The following DCC variants were observed in gnomAD, a reference collection of about 807,000 sequenced individuals.
DCC encodes netrin receptor DCC.
Under a neutral mutation model 172.5 loss-of-function variants are expected in DCC, and 58 were observed. The observed-to-expected ratio is 0.34, with a 90% CI of 0.27 to 0.42. The LOEUF is 0.42. Among genes scored for constraint, DCC ranks in the 10% least tolerant of loss-of-function variants. The pLI is 1.00. For missense variants in DCC, 1,740 were observed against 1,791.0 expected, an observed-to-expected ratio of 0.97 and a Z score of 0.51; for synonymous variants, 709 against 644.5, an observed-to-expected ratio of 1.10 and a Z score of -1.52.
chr18:52,623,253 C>T (rs1352343812), intron 1 of DCC, among the ~76,000 whole-genome samples: 1 of 152,136 alleles, frequency 6.6e-6, no homozygotes, highest in Non-Finnish European at 1.5e-5. Flanking sequence ...CCTCACATGT[C>T]ATCTTAAGTA....
intron 22 of DCC, among the ~76,000 whole-genome samples, chr18:53,440,355 T>C (rs1044628828): frequency 5.3e-5 from 8 of 152,276 alleles, no homozygotes; most frequent in African/African-American, 7.2e-5. Flanking sequence ...AAGATAAAGT[T>C]AAACTTGATG....
At chr18:53,213,643 G>A (rs112633410) in intron 11 of DCC, among the ~76,000 whole-genome samples, 44,903 of 103,524 alleles carry the variant, frequency 0.43, 8,772 homozygotes, top group Middle Eastern at 0.49. Flanking sequence ...GCGAGACTCC[G>A]TCTCAAAAAA....
In DCC at chr18:53,397,343, A is replaced by G. The variant is rs143891719; in HGVS notation, c.2724A>G (p.Thr908=). The change falls in exon 18 of 29, where the codon ACA becomes ACG. Residue 908 remains threonine, a synonymous_variant. Transcript: ENST00000442544. ...CAACATCTCTAAGTTACACAGCAAC[A>G]GGCCTCAAACCAAACACAATGTATG... ...EDTTSLSYTA[T]GLKPNTMYEF... is the part of the protein sequence containing the mutation. The G allele has an allele frequency of 6.9e-4, 1,121 of 1,613,902 alleles. 15 individuals are homozygous for G. In the East Asian group the frequency reaches 0.023, roughly 32 times the overall value.
At chr18:52,859,407 G>A (rs924236763) in intron 2 of DCC, among the ~76,000 whole-genome samples, 1 of 152,184 alleles carries the variant, frequency 6.6e-6, no homozygotes, top group African/African-American at 2.4e-5. Flanking sequence ...GAGGACCACA[G>A]AGGGATTGCT....
intron 1 of DCC, among the ~76,000 whole-genome samples, chr18:52,433,028 T>A (rs1481138518): frequency 6.6e-6 from 1 of 152,224 alleles, no homozygotes; most frequent in East Asian, 1.9e-4. Flanking sequence ...TTATTTATTT[T>A]TTACTAATCT....
At chr18:52,685,959 C>A (rs957256782) in intron 1 of DCC, among the ~76,000 whole-genome samples, 6 of 152,108 alleles carry the variant, frequency 3.9e-5, no homozygotes, top group Admixed American at 6.6e-5. Flanking sequence ...TCCTCAAGGG[C>A]TAACTGGATG....
intron 2 of DCC, among the ~76,000 whole-genome samples, chr18:52,826,364 G>T (rs2038509178): frequency 6.6e-6 from 1 of 152,110 alleles, no homozygotes; most frequent in African/African-American, 2.4e-5. Flanking sequence ...CTACCAAAAA[G>T]AAAATTTAGC....
chr18:53,105,573 A>C (rs1040045445), intron 7 of DCC, among the ~76,000 whole-genome samples: 1 of 151,990 alleles, frequency 6.6e-6, no homozygotes. Context: ...AGTTAAATAC[A>C]TGTATTTGCA....
chr18:53,251,024 T>C (rs919636182), intron 12 of DCC, among the ~76,000 whole-genome samples: 1 of 151,984 alleles, frequency 6.6e-6, no homozygotes, highest in Admixed American at 6.6e-5. Flanking sequence ...TGTCCTTCTC[T>C]CCATCTGTCT....
chr18:53,104,981 G>C (rs538421740), intron 7 of DCC, among the ~76,000 whole-genome samples: 5 of 152,036 alleles, frequency 3.3e-5, no homozygotes, highest in Non-Finnish European at 7.4e-5. Context: ...ATTCCCATCT[G>C]TGATTATGTA....
At chr18:52,363,359 T>A (rs1984704843) in intron 1 of DCC, among the ~76,000 whole-genome samples, 1 of 152,220 alleles carries the variant, frequency 6.6e-6, no homozygotes, top group South Asian at 2.1e-4. Flanking sequence ...GAAGTGCCAA[T>A]CAGGTTCATG....
At chr18:52,736,025 C>T (rs1368047677) in intron 1 of DCC, among the ~76,000 whole-genome samples, 1 of 152,026 alleles carries the variant, frequency 6.6e-6, no homozygotes, top group Non-Finnish European at 1.5e-5. Flanking sequence ...TGGTTTGGCC[C>T]TACTTCTTTG....
chr18:53,208,110 T>G (rs1004635095), intron 11 of DCC, among the ~76,000 whole-genome samples: 7 of 151,008 alleles, frequency 4.6e-5, no homozygotes, highest in Admixed American at 4.6e-4. Context: ...TAAATGTTTT[T>G]TTTTTTTTTT....
chr18:52,413,644 A>T lies in DCC; in HGVS notation c.91+72766A>T, dbSNP rs568288408. On this transcript the variant is annotated intron_variant, in intron 1 of 28. Coordinates refer to ENST00000442544, the MANE Select transcript of DCC (RefSeq NM_005215.4). ...AACATGTTACATATTTTTATTATGT[A>T]TTCTAAGAAAATTAGTACCTTTATC... 1.3e-4 allele frequency among the ~76,000 whole-genome samples: 20 copies of T among 152,158 alleles called. No homozygotes were observed. The East Asian group carries it at 3.7e-3, about 28-fold the overall frequency.
At chr18:53,015,578 G>GCT (rs2041796442) in intron 5 of DCC, among the ~76,000 whole-genome samples, 1 of 152,066 alleles carries the variant, frequency 6.6e-6, no homozygotes, top group East Asian at 1.9e-4. Flanking sequence ...TCTACCATAA[G>GCT]GAAATCTCTT....
At position 53,526,642 on chromosome 18, in the gene DCC, G is replaced by A. The variant is rs1330980895; in HGVS notation, c.4137G>A (p.Val1379=). The change falls in exon 28 of 29, where the codon GTG becomes GTA. Residue 1379 remains valine (V), a synonymous_variant. Transcript: ENST00000442544. Reference sequence around the variant, plus strand: ...GGCCCACTCTTCCTAAGACCCATGTGAAAACAGCCTCCCTTGGGTTGGCTG... The same window carrying A: ...GGCCCACTCTTCCTAAGACCCATGTAAAAACAGCCTCCCTTGGGTTGGCTG... ...QPGPTLPKTH[V]KTASLGLAGK... is the part of the protein sequence containing the mutation. 6 of 1,613,426 alleles carry A rather than the reference G, an allele frequency of 3.7e-6. No individual in the cohort carries two copies. Among genetic ancestry groups the A allele is most frequent in the Non-Finnish European group, 5.1e-6 (6 of 1,179,680 alleles).
intron 2 of DCC, among the ~76,000 whole-genome samples, chr18:52,778,899 C>T (rs1035320727): frequency 6.6e-6 from 1 of 152,140 alleles, no homozygotes; most frequent in East Asian, 1.9e-4. Flanking sequence ...TCCAATTGTG[C>T]CCTGCTCATC....
At chr18:52,459,459 T>C in intron 1 of DCC, among the ~76,000 whole-genome samples, 1 of 151,108 alleles carries the variant, frequency 6.6e-6, no homozygotes, top group East Asian at 2.0e-4. Context: ...TATTTGGTTT[T>C]CTTTCTTTCT....
At chr18:52,665,083 CT>C (rs2144956671) in intron 1 of DCC, among the ~76,000 whole-genome samples, 1 of 152,312 alleles carries the variant, frequency 6.6e-6, no homozygotes, top group South Asian at 2.1e-4. Context: ...TGGTAATTGA[CT>C]GTGTTTACAA....
Sources: allele counts gnomAD v4.1 joint callset (sites outside exome capture counted in the v4.1 genomes callset), GRCh38; gene constraint gnomAD v4.1.1; transcripts MANE v1.5; gene names NCBI Gene and HGNC (gene_info 2026-07-23, HGNC 2026-07-21).